The following EDARADD variants were observed in gnomAD, a reference collection of about 807,000 sequenced individuals.
EDARADD encodes EDAR associated via death domain, also known as ectodysplasin-A receptor-associated adapter protein.
In EDARADD, 20 loss-of-function variants were observed where a neutral mutation model predicts 25.6. The observed-to-expected ratio is 0.78, with a 90% CI of 0.55 to 1.14. EDARADD has a LOEUF of 1.14. Ranked by LOEUF, EDARADD falls within the 50% of genes most tolerant of loss-of-function variation. The pLI is 0.00. For synonymous variants in EDARADD, 86 were observed against 94.4 expected (o/e 0.91, Z 0.52); for missense variants, 225 against 270.1 (o/e 0.83, Z 1.17).
chr1:236,385,089 CTTT>C (rs34509027), intron 3 of EDARADD, among the ~76,000 whole-genome samples: 19 of 121,958 alleles, frequency 1.6e-4, no homozygotes, highest in Middle Eastern at 4.1e-3. Flanking sequence ...CCTTTTGATT[CTTT>C]TTTTTTTTTT....
chr1:236,425,170 T>C (rs886809770), intron 3 of EDARADD, among the ~76,000 whole-genome samples: 2 of 152,210 alleles, frequency 1.3e-5, no homozygotes, highest in Non-Finnish European at 2.9e-5. Flanking sequence ...GATGAGCTCT[T>C]TGGCGTGTTG....
intron 3 of EDARADD, among the ~76,000 whole-genome samples, chr1:236,380,835 C>G (rs528016987): frequency 6.6e-6 from 1 of 152,120 alleles, no homozygotes; most frequent in Non-Finnish European, 1.5e-5. Context: ...GTGATCTTCT[C>G]GACTCAGCCT....
At chr1:236,431,750 T>G (rs1658099744) in intron 4 of EDARADD, among the ~76,000 whole-genome samples, 2 of 68,124 alleles carry the variant, frequency 2.9e-5, no homozygotes, top group Non-Finnish European at 9.2e-5. Context: ...TGAAACCCCG[T>G]CTCTACTAAA....
At chr1:236,460,018 A>G (rs12035437) in intron 4 of EDARADD, among the ~76,000 whole-genome samples, 21,410 of 151,986 alleles carry the variant, frequency 0.14, 1,537 homozygotes, top group Non-Finnish European at 0.14. Context: ...GTGGTTCCTT[A>G]TGATGTCAAT....
Position 236,414,394 on chromosome 1 carries a change from A to G in EDARADD, c.160+95A>G, listed in dbSNP as rs568950124. 42 of 1,024,958 alleles carry G rather than the reference A, an allele frequency of 4.1e-5. No individual in the cohort carries two copies. The African/African-American group carries it at 6.0e-4, about 15-fold the overall frequency. The allele number at this position is 1,024,958 out of a possible 1,614,324, so 63.5% of individuals were successfully genotyped here. A position where few individuals can be genotyped will look rare whatever the true frequency, so the allele number is the denominator to read the frequency against. On this transcript the variant is annotated intron_variant, in intron 3 of 5. Transcript: ENST00000334232. ...CTAATTTTTCATTATTTAAAATTGTAAAGTAGAAACATGCCCATAGATTAG... is the reference window on the plus strand; with the variant it reads ...CTAATTTTTCATTATTTAAAATTGTGAAGTAGAAACATGCCCATAGATTAG...
rs1198677850 is a variant in EDARADD at position 236,483,387 on chromosome 1, C to T, written c.*738C>T. 1.3e-5 allele frequency: 18 copies of T among 1,370,482 alleles called. 1 individual carries two copies. Among genetic ancestry groups the T allele is most frequent in the Admixed American group, 6.7e-5 (4 of 59,462 alleles). The allele number at this position is 1,370,482 out of a possible 1,614,324, so 84.9% of individuals were successfully genotyped here. A position where few individuals can be genotyped will look rare whatever the true frequency, so the allele number is the denominator to read the frequency against. Reference sequence around the variant, plus strand: ...TGAGCCCATCAATAAAACTATTGCACCTGTCCTGGTTAGCAAGAAACTGAA... The same window carrying T: ...TGAGCCCATCAATAAAACTATTGCATCTGTCCTGGTTAGCAAGAAACTGAA... On this transcript the variant is annotated 3_prime_UTR_variant, in exon 6 of 6. Transcript: ENST00000334232.
intron 1 of EDARADD, among the ~76,000 whole-genome samples, chr1:236,401,115 G>A (rs1173701170): frequency 2.0e-5 from 3 of 151,884 alleles, no homozygotes; most frequent in Non-Finnish European, 4.4e-5. Flanking sequence ...GAACCCAGGA[G>A]GCAGAGGTTG....
intron 3 of EDARADD, among the ~76,000 whole-genome samples, chr1:236,418,297 T>C (rs1657695627): frequency 2.0e-5 from 3 of 150,884 alleles, no homozygotes; most frequent in African/African-American, 7.3e-5. Flanking sequence ...CAGGCTAGAG[T>C]GCAGTGGCAT....
intron 5 of EDARADD, among the ~76,000 whole-genome samples, chr1:236,473,749 T>C (rs1659425011): frequency 6.6e-6 from 1 of 152,060 alleles, no homozygotes; most frequent in South Asian, 2.1e-4. Flanking sequence ...TGTGCCACTG[T>C]ACTCTAGCCT....
chr1:236,425,492 G>A (rs75609202), intron 3 of EDARADD, among the ~76,000 whole-genome samples: 319 of 152,234 alleles, frequency 2.1e-3, no homozygotes, highest in African/African-American at 7.2e-3. Flanking sequence ...GCAAAGGACC[G>A]CCCCCGTGGC....
intron 3 of EDARADD, among the ~76,000 whole-genome samples, chr1:236,371,917 C>A (rs565848594): frequency 1.3e-5 from 2 of 151,612 alleles, no homozygotes; most frequent in East Asian, 3.9e-4. Context: ...TCTATTCCTA[C>A]CTTGCTAAGA....
intron 1 of EDARADD, among the ~76,000 whole-genome samples, chr1:236,406,836 G>A (rs1035329644): frequency 6.6e-6 from 1 of 152,222 alleles, no homozygotes; most frequent in Non-Finnish European, 1.5e-5. Context: ...CAGGCTGCGA[G>A]TGCTGGGTCT....
At position 236,484,072 on chromosome 1, in the gene EDARADD, C is replaced by T; in HGVS notation, c.*1423C>T. 5.1e-6 allele frequency: 8 copies of T among 1,578,328 alleles called. No individual in the cohort carries two copies. The South Asian group carries it at 8.9e-5, about 17-fold the overall frequency. ...CCCTTTGACCAGGATGACTGGGGAG[C>T]TTGGCAGAAGTTCACGGCCAGTGCA... On this transcript the variant is annotated 3_prime_UTR_variant, in exon 6 of 6. Transcript: ENST00000334232. The surrounding 1 kb of genome is among the most constrained non-coding windows in gnomAD (Gnocchi z 4.1).
intron 5 of EDARADD, among the ~76,000 whole-genome samples, chr1:236,479,443 C>T (rs1312847441): frequency 2.0e-5 from 3 of 150,896 alleles, no homozygotes; most frequent in Admixed American, 6.6e-5. Context: ...GGCAGTGAGC[C>T]GTGATTGTGC....
upstream of EDARADD, among the ~76,000 whole-genome samples, chr1:236,390,529 G>A (rs1388560384): frequency 6.6e-6 from 1 of 152,088 alleles, no homozygotes; most frequent in Non-Finnish European, 1.5e-5. Flanking sequence ...CTCCAGCCTG[G>A]GGGACAGAGC....
intron 3 of EDARADD, among the ~76,000 whole-genome samples, chr1:236,370,517 C>A (rs1667162411): frequency 6.6e-6 from 1 of 152,144 alleles, no homozygotes; most frequent in Non-Finnish European, 1.5e-5. Flanking sequence ...AAATCAGTCT[C>A]CCCCAGCATT....
chr1:236,467,764 C>T (rs1167433539), intron 4 of EDARADD, among the ~76,000 whole-genome samples: 1 of 146,716 alleles, frequency 6.8e-6, no homozygotes, highest in African/African-American at 2.5e-5. Flanking sequence ...CATTGATACC[C>T]TTTTTTTTTT....
chr1:236,480,706 T>C (rs1197451127), intron 5 of EDARADD, among the ~76,000 whole-genome samples: 2 of 152,214 alleles, frequency 1.3e-5, no homozygotes, highest in Non-Finnish European at 2.9e-5. Flanking sequence ...TTCATGAGAC[T>C]CAGTGTTGTT....
chr1:236,440,335 T>G (rs939892143), intron 4 of EDARADD, among the ~76,000 whole-genome samples: 6 of 152,198 alleles, frequency 3.9e-5, no homozygotes, highest in Admixed American at 3.9e-4. Flanking sequence ...CCTTCACTGT[T>G]GTGTTGGCTA....
Sources: allele counts gnomAD v4.1 joint callset (sites outside exome capture counted in the v4.1 genomes callset), GRCh38; gene constraint gnomAD v4.1.1; non-coding constraint Gnocchi (gnomAD v3.1); transcripts MANE v1.5; gene names NCBI Gene and HGNC (gene_info 2026-07-23, HGNC 2026-07-21).